Variants in RFX4 observed in about 807,000 individuals in gnomAD.
RFX4 encodes regulatory factor X4.
In RFX4, 10 loss-of-function variants were observed where a neutral mutation model predicts 95.0. The observed-to-expected ratio is 0.11, with a 90% CI of 0.06 to 0.18. The LOEUF (loss-of-function observed/expected upper bound fraction) is 0.18. Among genes scored for constraint, RFX4 ranks in the 10% least tolerant of loss-of-function variants. RFX4 has a pLI of 1.00. For missense variants in RFX4, 640 were observed against 922.0 expected, an observed-to-expected ratio of 0.69 and a Z score of 3.96; for synonymous variants, 321 against 340.7, an observed-to-expected ratio of 0.94 and a Z score of 0.64.
At chr12:106,696,207 C>G in intron 7 of RFX4, 76 bp from the exon 8 acceptor site, 2 of 1,550,816 alleles carry the variant, frequency 1.3e-6, no homozygotes, top group Non-Finnish European at 1.8e-6. Flanking sequence ...ACTGGGTTGG[C>G]CTTGGTGGAG....
At chr12:106,749,848 C>T (rs906598279) in intron 16 of RFX4, among the ~76,000 whole-genome samples, 4 of 152,148 alleles carry the variant, frequency 2.6e-5, no homozygotes, top group Admixed American at 6.5e-5. Flanking sequence ...TGTTTGAACA[C>T]GCCATGGTGC....
In RFX4 at chr12:106,654,252, A is replaced by G; in HGVS notation, c.216A>G (p.Ala72=). The G allele has an allele frequency of 6.2e-7, 1 of 1,614,062 alleles. No homozygotes were observed. The highest frequency in any genetic ancestry group is 8.5e-7 in the Non-Finnish European group (1 of 1,179,924). ...LQWLEENYEI[A]EGVCIPRSAL... ...GGCTGGAGGAGAACTATGAGATTGC[A>G]GAGGGGGTCTGCATCCCTCGCAGTG... The change falls in exon 4 of 18, where the codon GCA becomes GCG. Residue 72 remains alanine (A), a synonymous_variant. Coordinates refer to ENST00000392842, the MANE Select transcript of RFX4 (RefSeq NM_213594.3).
rs538964737 is a variant in RFX4 at position 106,586,390 on chromosome 12, C to T, written c.43+3027C>T. Among the ~76,000 whole-genome samples, 3 of 152,206 alleles carry T rather than the reference C, an allele frequency of 2.0e-5. No individual in the cohort carries two copies. Among genetic ancestry groups the T allele is most frequent in the Admixed American group, 6.5e-5 (1 of 15,300 alleles). On this transcript the variant is annotated intron_variant, in intron 1 of 17. Coordinates refer to ENST00000392842, the MANE Select transcript of RFX4 (RefSeq NM_213594.3). The surrounding 1 kb of genome is among the most constrained non-coding windows in gnomAD (Gnocchi z 5.6). ...ATCAGGGCTGCTCTGCCCGGGTGAT[C>T]GTTGCTCAGTTACTCAAGTTATCCG... is the stretch of plus-strand genomic sequence containing the variant.
At chr12:106,709,108 G>A (rs1423786534) in intron 8 of RFX4, among the ~76,000 whole-genome samples, 1 of 152,140 alleles carries the variant, frequency 6.6e-6, no homozygotes, top group Non-Finnish European at 1.5e-5. Flanking sequence ...GCCTTGCAGT[G>A]GCCATCAGTG....
intron 16 of RFX4, among the ~76,000 whole-genome samples, chr12:106,748,555 G>C (rs2042937600): frequency 6.6e-6 from 1 of 152,194 alleles, no homozygotes; most frequent in African/African-American, 2.4e-5. Context: ...AGTGTTACTT[G>C]AATCCTCATA....
At chr12:106,607,246 G>GA (rs1377228927) in intron 1 of RFX4, among the ~76,000 whole-genome samples, 3 of 152,236 alleles carry the variant, frequency 2.0e-5, no homozygotes, top group Non-Finnish European at 2.9e-5. Context: ...CAGTTTACTG[G>GA]AAAAATAAGC....
At position 106,747,927 on chromosome 12, in the gene RFX4, T is replaced by TAAA. The variant is rs10624179; in HGVS notation, c.1796+342_1796+344dup. ...TGGGTGACAGAGCGAGACGCCGTCT[T>TAAA]AAAAAAAAAAAAAAAAGAAAAAGAA... is the stretch of plus-strand genomic sequence containing the variant. On this transcript the variant is annotated intron_variant, in intron 16 of 17. Transcript: ENST00000392842. Among the ~76,000 whole-genome samples the TAAA allele has an allele frequency of 3.0e-3, 376 of 126,364 alleles. 1 individual carries two copies. Among genetic ancestry groups the TAAA allele is most frequent in the Non-Finnish European group, 4.6e-3 (276 of 59,858 alleles). 82.9% of individuals were successfully genotyped at this position (126,364 alleles called of 152,430 possible). A position where few individuals can be genotyped will look rare whatever the true frequency, so the allele number is the denominator to read the frequency against.
rs562031498 is a variant in RFX4 at position 106,703,911 on chromosome 12, C to CA, written c.834-5414dup. 9.2e-3 allele frequency among the ~76,000 whole-genome samples: 1,390 copies of CA among 151,788 alleles called. 13 individuals are homozygous for CA. The highest frequency in any genetic ancestry group is 0.015 in the Non-Finnish European group (987 of 67,892). On this transcript the variant is annotated intron_variant, in intron 8 of 17. Coordinates refer to ENST00000392842, the MANE Select transcript of RFX4 (RefSeq NM_213594.3). ...CGAAACCCTGTCTCTACGAAAAATA[C>CA]AAAAATTAGCTGGGCGTGGTGGCAG...
At chr12:106,604,266 G>A (rs576857791) in intron 1 of RFX4, among the ~76,000 whole-genome samples, 178 of 151,832 alleles carry the variant, frequency 1.2e-3, no homozygotes, top group Non-Finnish European at 2.2e-3. Context: ...GATTACAGGC[G>A]TGTGCTGCCC....
rs370383374 is a variant in RFX4 at position 106,605,536 on chromosome 12, C to G, written c.44-3261C>G. Among the ~76,000 whole-genome samples, 27 of 152,324 alleles carry G rather than the reference C, an allele frequency of 1.8e-4. No homozygotes were observed. In the South Asian group the frequency reaches 5.6e-3, roughly 32 times the overall value. On this transcript the variant is annotated intron_variant, in intron 1 of 17. Transcript: ENST00000392842. ...ACCCTTGAATGCATGAGAACTCTAA[C>G]TGTCCAGAACAACATAGGTGATGGT...
At chr12:106,594,811 A>G (rs1002672488) in intron 1 of RFX4, among the ~76,000 whole-genome samples, 4 of 151,708 alleles carry the variant, frequency 2.6e-5, no homozygotes, top group African/African-American at 9.7e-5. Flanking sequence ...TTAAAAAAAA[A>G]AAAAAGAAAT....
At chr12:106,709,973 G>A (rs1237985218) in intron 9 of RFX4, among the ~76,000 whole-genome samples, 2 of 152,122 alleles carry the variant, frequency 1.3e-5, no homozygotes, top group Non-Finnish European at 2.9e-5. Flanking sequence ...TAATTAGAAA[G>A]CCAAATTAAT....
chr12:106,649,529 C>A (rs528310073), intron 3 of RFX4, among the ~76,000 whole-genome samples: 1 of 152,146 alleles, frequency 6.6e-6, no homozygotes, highest in Non-Finnish European at 1.5e-5. Flanking sequence ...ATTAGCCCAG[C>A]CTGTGTGAAC....
intron 1 of RFX4, among the ~76,000 whole-genome samples, chr12:106,585,286 A>G (rs1246037493): frequency 6.6e-6 from 1 of 152,088 alleles, no homozygotes; most frequent in Non-Finnish European, 1.5e-5. Flanking sequence ...TCTGTTCTCG[A>G]TGCAACTGGT....
In RFX4 at chr12:106,686,977, C is replaced by T. The variant is rs1422040513; in HGVS notation, c.471C>T (p.Gly157=). Residue 157 remains glycine (G), a synonymous_variant, in exon 6 of 18, where the codon GGC becomes GGT. Transcript: ENST00000392842. ...KKGAAWVSET[G]KKEVSKQTVA... The stretch of plus-strand genomic sequence containing the variant: ...GAGCTGCCTGGGTGAGTGAGACGGG[C>T]AAGAAAGAAGTGAGCAAACAGACAG... 10 of 1,613,650 alleles carry T rather than the reference C, an allele frequency of 6.2e-6. No homozygotes were observed. In the African/African-American group the frequency reaches 1.3e-4, roughly 22 times the overall value.
rs1158405192 is a variant in RFX4, at chr12:106,586,430, A to G, written c.43+3067A>G. ...CAAGTTATCCGGAAATTCGAGAACG[A>G]TGGGGGAAAGTGGGTAGAATTTTAG... On this transcript the variant is annotated intron_variant, in intron 1 of 17. Coordinates refer to ENST00000392842, the MANE Select transcript of RFX4 (RefSeq NM_213594.3). This position sits in a 1 kb window ranked among gnomAD's most constrained non-coding sequence, Gnocchi z 5.6. 6.6e-6 allele frequency among the ~76,000 whole-genome samples: 1 copy of G among 151,798 alleles called. No individual in the cohort carries two copies. Among genetic ancestry groups the G allele is most frequent in the African/African-American group, 2.4e-5 (1 of 41,324 alleles).
chr12:106,671,526 G>T (rs1048863890), intron 4 of RFX4, among the ~76,000 whole-genome samples: 3 of 152,106 alleles, frequency 2.0e-5, no homozygotes, highest in African/African-American at 7.2e-5. Flanking sequence ...ACAGGTAGAA[G>T]AATCAGATTC....
chr12:106,730,958 C>A (rs1371179400), intron 13 of RFX4, among the ~76,000 whole-genome samples: 1 of 152,052 alleles, frequency 6.6e-6, no homozygotes, highest in Non-Finnish European at 1.5e-5. Context: ...CAAGACAGCG[C>A]CAATGCACTC....
rs759847210 is a variant in RFX4 at position 106,761,282 on chromosome 12, G to A, written c.2021G>A (p.Arg674His). The change falls in exon 18 of 18, where the codon CGC becomes CAC. Residue 674 changes from arginine to histidine, a missense_variant. Arg to His is a conservative substitution (Grantham distance 29). This residue lies in a region of RFX4 where 300 missense variants were observed against 346.8 expected (regional missense o/e 0.87). Transcript: ENST00000392842. ...CTGCATCCTACCCCAGTCACTCCCC[G>A]CTGGCCAGAGGTGCCCTCAGCCAAC... is the stretch of plus-strand genomic sequence containing the variant. ...PRLHPTPVTP[R>H]WPEVPSANTC... 22 of 1,613,808 alleles carry A rather than the reference G, an allele frequency of 1.4e-5. No individual in the cohort carries two copies. The highest frequency in any genetic ancestry group is 1.3e-4 in the South Asian group (12 of 91,084).
Sources: allele counts gnomAD v4.1 joint callset (sites outside exome capture counted in the v4.1 genomes callset), GRCh38; gene constraint gnomAD v4.1.1; regional missense constraint gnomAD v4.1.1; non-coding constraint Gnocchi (gnomAD v3.1); transcripts MANE v1.5; gene names NCBI Gene and HGNC (gene_info 2026-07-23, HGNC 2026-07-21).